ZNF254: variants seen among roughly 807,000 people sequenced by gnomAD.
The protein encoded by ZNF254 is zinc finger protein 254, also known as CTD-2017D11.1.
A neutral mutation model predicts 12.4 loss-of-function variants in ZNF254; 10 were observed. The observed-to-expected ratio is 0.80, with a 90% confidence interval of 0.50 to 1.36. ZNF254 has a LOEUF of 1.36. Among genes scored for constraint, ZNF254 ranks in the 40% most tolerant of loss-of-function variants. The probability of loss-of-function intolerance (pLI) is 0.00; values close to 1 mark genes in which losing one functional copy is unlikely to be tolerated. For synonymous variants in ZNF254, 305 were observed against 253.4 expected (o/e 1.20, Z -1.93); for missense variants, 996 against 763.9 (o/e 1.30, Z -3.58).
Position 24,127,477 on chromosome 19 carries a change from G to A in ZNF254, c.1477G>A (p.Glu493Lys), listed in dbSNP as rs745484633. ...CACTGGAGAGAAACCCTACAAATGT[G>A]AAGAATGTGGCAAATCTTTTAGCCA... ...MHTGEKPYKC[E>K]ECGKSFSQSS... is the part of the protein sequence containing the mutation. The change falls in exon 4 of 4, where the codon GAA becomes AAA. Residue 493 changes from glutamate to lysine, a missense_variant. Physicochemically the swap from Glu to Lys is moderately conservative, Grantham distance 56. Coordinates refer to ENST00000357002, the MANE Select transcript of ZNF254 (RefSeq NM_203282.4). The A allele has an allele frequency of 1.9e-6, 3 of 1,613,428 alleles. No homozygotes were observed. Among genetic ancestry groups the A allele is most frequent in the Non-Finnish European group, 1.7e-6 (2 of 1,179,798 alleles).
chr19:24,126,304 G>C lies in ZNF254; in HGVS notation c.304G>C (p.Asp102His). The part of the protein sequence containing the change: ...QDLWPEQGME[D>H]SFQKAILRRY... ...CCTTTGGCCAGAGCAGGGCATGGAA[G>C]ATTCTTTTCAAAAAGCAATACTGAG... Residue 102 changes from aspartate to histidine, a missense_variant, in exon 4 of 4, where the codon GAT becomes CAT. Transcript: ENST00000357002. 6.3e-7 allele frequency: 1 copy of C among 1,584,458 alleles called. No individual in the cohort carries two copies. Among genetic ancestry groups the C allele is most frequent in the Non-Finnish European group, 8.6e-7 (1 of 1,167,852 alleles).
chr19:24,076,420 CCT>C (rs1410898859), intron 2 of ZNF254, among the ~76,000 whole-genome samples: 6 of 152,254 alleles, frequency 3.9e-5, no homozygotes, highest in African/African-American at 1.4e-4. Context: ...ATATGTGACT[CCT>C]CTATTCTGGC....
chr19:24,093,455 T>A (rs944395643), intron 1 of ZNF254, among the ~76,000 whole-genome samples: 1 of 152,190 alleles, frequency 6.6e-6, no homozygotes, highest in East Asian at 1.9e-4. Context: ...TAATCTTGAG[T>A]TGATTTTTGT....
intron 3 of ZNF254, among the ~76,000 whole-genome samples, chr19:24,122,041 ACT>A (rs1171588870): frequency 6.6e-6 from 1 of 152,006 alleles, no homozygotes; most frequent in African/African-American, 2.4e-5. Flanking sequence ...AACTCCCATA[ACT>A]CTGTATCTCT....
intron 3 of ZNF254, among the ~76,000 whole-genome samples, chr19:24,110,373 C>A (rs533238293): frequency 8.6e-5 from 13 of 151,796 alleles, no homozygotes; most frequent in Non-Finnish European, 1.3e-4. Context: ...CAAGCCTGGG[C>A]AAAATATGGA....
intron 2 of ZNF254, among the ~76,000 whole-genome samples, chr19:24,074,908 C>T (rs772619048): frequency 8.5e-5 from 13 of 152,104 alleles, no homozygotes; most frequent in Non-Finnish European, 1.6e-4. Flanking sequence ...GCTGTTTTCC[C>T]AGAGGGTATT....
Position 24,127,105 on chromosome 19 carries a change from A to G in ZNF254, c.1105A>G (p.Lys369Glu), listed in dbSNP as rs762544071. ...CCAGTCCTCAACCCTTACTACACAT[A>G]AGATAATTCATACTGGAGAGAAACG... ...FSQSSTLTTHKIIHTGEKRYK... is the reference protein window; with the variant it reads ...FSQSSTLTTHEIIHTGEKRYK... The change falls in exon 4 of 4, where the codon AAG becomes GAG. Residue 369 changes from lysine (K) to glutamate (E), a missense_variant. Physicochemically the swap from Lys to Glu is moderately conservative, Grantham distance 56. Coordinates refer to ENST00000357002, the MANE Select transcript of ZNF254 (RefSeq NM_203282.4). 1 of 1,613,518 alleles carries G rather than the reference A, an allele frequency of 6.2e-7. No individual in the cohort carries two copies. Among genetic ancestry groups the G allele is most frequent in the South Asian group, 1.1e-5 (1 of 91,078 alleles).
At chr19:24,060,331 A>G (rs1396811531) in intron 2 of ZNF254, among the ~76,000 whole-genome samples, 6 of 152,286 alleles carry the variant, frequency 3.9e-5, no homozygotes, top group African/African-American at 1.4e-4. Flanking sequence ...CCTCTTCTTC[A>G]CAGATTCTGC....
exon 1 of ZNF254, chr19:24,033,460 T>A (rs1599553845): frequency 5.6e-6 from 1 of 178,746 alleles, no homozygotes. Flanking sequence ...GCTGGGCCTT[T>A]GTCTCTCGCT....
At chr19:24,115,973 A>T (rs1262366134) in intron 3 of ZNF254, among the ~76,000 whole-genome samples, 2 of 152,182 alleles carry the variant, frequency 1.3e-5, no homozygotes, top group African/African-American at 4.8e-5. Context: ...TTGGCTGGAT[A>T]TGAAATTCTG....
chr19:24,035,927 A>G (rs1171039874), intron 1 of ZNF254, among the ~76,000 whole-genome samples: 1 of 152,174 alleles, frequency 6.6e-6, no homozygotes, highest in African/African-American at 2.4e-5. Context: ...TTCTTTAATC[A>G]CTGCTCTTAC....
chr19:24,126,669 A>T lies in ZNF254; in HGVS notation c.669A>T (p.Ser223=). ...GTGGAAAAACCTTTAATTGGTCCTC[A>T]ACCCTTACTAATCATAGGAAAATTT... The part of the protein sequence containing the change: ...KECGKTFNWS[S]TLTNHRKIYT... Residue 223 remains serine, a synonymous_variant, in exon 4 of 4, where the codon TCA becomes TCT. Coordinates refer to ENST00000357002, the MANE Select transcript of ZNF254 (RefSeq NM_203282.4). 6.2e-7 allele frequency: 1 copy of T among 1,613,112 alleles called. No homozygotes were observed. The highest frequency in any genetic ancestry group is 2.2e-5 in the East Asian group (1 of 44,818).
chr19:24,109,234 C>T (rs1973516901), intron 3 of ZNF254, among the ~76,000 whole-genome samples: 1 of 152,146 alleles, frequency 6.6e-6, no homozygotes, highest in South Asian at 2.1e-4. Context: ...TTCTCATTAG[C>T]ATCTCCTAAT....
rs903045458 is a variant in ZNF254, at chr19:24,105,995, A to C, written c.86A>C (p.His29Pro). 1.9e-6 allele frequency: 3 copies of C among 1,600,748 alleles called. No homozygotes were observed. In the South Asian group the frequency reaches 3.3e-5, roughly 18 times the overall value. The change falls in exon 2 of 4, where the codon CAC (histidine) becomes CCC (proline). Residue 29 changes from histidine (H) to proline (P), a missense_variant. Transcript: ENST00000357002. ...GAATTCTCTCTGGAGGAGTGGCAAC[A>C]CCTGGACATTGCACAGCAGAATTTA... ...AIEFSLEEWQ[H>P]LDIAQQNLYR...
intron 2 of ZNF254, among the ~76,000 whole-genome samples, chr19:24,081,545 G>A (rs1338916873): frequency 1.3e-5 from 2 of 152,052 alleles, no homozygotes; most frequent in Non-Finnish European, 2.9e-5. Flanking sequence ...TAATATCTCG[G>A]CTTTTTATAG....
intron 2 of ZNF254, among the ~76,000 whole-genome samples, chr19:24,063,256 C>A (rs1027377795): frequency 6.6e-6 from 1 of 152,224 alleles, no homozygotes; most frequent in African/African-American, 2.4e-5. Context: ...CATCACAAGA[C>A]CTTTCTACAA....
chr19:24,107,032 T>C (rs543483262), intron 3 of ZNF254: 8 of 454,870 alleles, frequency 1.8e-5, no homozygotes, highest in African/African-American at 1.6e-4. Flanking sequence ...GTGAGAGTAG[T>C]AGTTTCTGTT....
chr19:24,116,822 GT>G (rs1266280823), intron 3 of ZNF254, among the ~76,000 whole-genome samples: 1 of 152,024 alleles, frequency 6.6e-6, no homozygotes, highest in Non-Finnish European at 1.5e-5. Context: ...CATCTTTGTG[GT>G]TTTATCTACT....
At chr19:24,070,713 A>T (rs1357996099) in intron 2 of ZNF254, among the ~76,000 whole-genome samples, 1 of 152,224 alleles carries the variant, frequency 6.6e-6, no homozygotes, top group Non-Finnish European at 1.5e-5. Flanking sequence ...ATCTCTGCTC[A>T]AAACCTGAGG....
Sources: gnomAD v4.1 joint callset for allele counts (sites outside exome capture counted in the v4.1 genomes callset) on GRCh38, gnomAD v4.1.1 for gene constraint, MANE v1.5 for transcripts, NCBI Gene and HGNC (gene_info 2026-07-23, HGNC 2026-07-21) for gene names.